ISG20: variants seen among roughly 807,000 people sequenced by gnomAD.
ISG20 encodes the protein interferon-stimulated gene 20 kDa protein.
A neutral mutation model predicts 11.1 loss-of-function variants in ISG20; 8 were observed. The ratio of observed to expected loss-of-function variants is 0.72; its 90% CI spans 0.42 to 1.30. ISG20 has a LOEUF of 1.30. Among genes scored for constraint, ISG20 ranks in the 50% most tolerant of loss-of-function variants. The pLI is 0.01. For missense variants in ISG20, 243 were observed against 250.2 expected, an observed-to-expected ratio of 0.97 and a Z score of 0.19; for synonymous variants, 110 against 101.7, an observed-to-expected ratio of 1.08 and a Z score of -0.49.
chr15:88,654,504 A>G (rs1379639452), intron 3 of ISG20, among the ~76,000 whole-genome samples: 3 of 152,184 alleles, frequency 2.0e-5, no homozygotes, highest in Non-Finnish European at 2.9e-5. Context: ...GAGGGACACC[A>G]AGAAAACGCA....
intron 2 of ISG20, among the ~76,000 whole-genome samples, chr15:88,640,110 C>G (rs1392386840): frequency 6.6e-6 from 1 of 152,198 alleles, no homozygotes; most frequent in Non-Finnish European, 1.5e-5. Context: ...ATTTCCTGCA[C>G]TCTTGCTCTT....
At chr15:88,641,063 G>A (rs2058073103) in intron 2 of ISG20, among the ~76,000 whole-genome samples, 1 of 151,898 alleles carries the variant, frequency 6.6e-6, no homozygotes, top group Non-Finnish European at 1.5e-5. Context: ...CATGATCTTG[G>A]CTCTCTGCAA....
upstream of ISG20, chr15:88,636,132 G>T (rs373832823): frequency 3.9e-4 from 59 of 152,404 alleles, no homozygotes; most frequent in African/African-American, 1.3e-3. Context: ...GAGGGCCACA[G>T]AGTGGCCGAC....
chr15:88,640,400 G>T (rs777010889), intron 2 of ISG20, among the ~76,000 whole-genome samples: 3 of 152,104 alleles, frequency 2.0e-5, no homozygotes, highest in Admixed American at 2.0e-4. Context: ...TGCACTGGCC[G>T]CTCCCCTAAG....
intron 3 of ISG20, among the ~76,000 whole-genome samples, chr15:88,653,384 G>A (rs2141407557): frequency 6.6e-6 from 1 of 152,288 alleles, no homozygotes; most frequent in East Asian, 1.9e-4. Flanking sequence ...GGGGCCAGGT[G>A]AGTCAAAGCC....
At chr15:88,654,360 A>T (rs1176919500) in intron 3 of ISG20, among the ~76,000 whole-genome samples, 1 of 152,206 alleles carries the variant, frequency 6.6e-6, no homozygotes, top group African/African-American at 2.4e-5. Flanking sequence ...ATTAAAAAAT[A>T]AAACAATACA....
intron 2 of ISG20, among the ~76,000 whole-genome samples, chr15:88,642,777 T>C (rs1408416846): frequency 1.3e-5 from 2 of 152,126 alleles, no homozygotes; most frequent in Non-Finnish European, 2.9e-5. Context: ...CCACCACGCC[T>C]GGCTAATTTT....
Position 88,639,416 on chromosome 15 carries a change from T to A in ISG20, c.50T>A (p.Leu17Gln), listed in dbSNP as rs1315042194. The A allele has an allele frequency of 6.2e-7, 1 of 1,602,578 alleles. No homozygotes were observed. Among genetic ancestry groups the A allele is most frequent in the Non-Finnish European group, 8.5e-7 (1 of 1,173,502 alleles). ...VVAMDCEMVG[L>Q]GPHRESGLAR... is the part of the protein sequence containing the mutation. ...GCCATGGACTGCGAGATGGTGGGGC[T>A]GGGGCCCCACCGGGAGAGTGGCCTG... is the stretch of plus-strand genomic sequence containing the variant. Residue 17 changes from leucine to glutamine, a missense_variant, in exon 2 of 4, where the codon CTG (leucine) becomes CAG (glutamine). By Grantham distance (113) the Leu-to-Gln change is moderately radical. Transcript: ENST00000306072. This position sits in a 1 kb window ranked among gnomAD's most constrained non-coding sequence, Gnocchi z 4.2.
intron 2 of ISG20, among the ~76,000 whole-genome samples, chr15:88,646,305 C>T (rs958745669): frequency 6.6e-6 from 1 of 152,230 alleles, no homozygotes; most frequent in African/African-American, 2.4e-5. Flanking sequence ...CTAGTACCAT[C>T]ACTCCCATTT....
At chr15:88,655,392 C>G (rs1178891172) in intron 3 of ISG20, 23 bp from the exon 4 acceptor site, 2 of 1,605,666 alleles carry the variant, frequency 1.2e-6, no homozygotes, top group South Asian at 2.2e-5. Context: ...TCCCAAGTCC[C>G]CACTCTATAC....
rs757116446 is a variant in ISG20 at position 88,650,731 on chromosome 15, G to C, written c.229-1379G>C. On this transcript the variant is annotated intron_variant, in intron 2 of 3. Coordinates refer to ENST00000306072, the MANE Select transcript of ISG20 (RefSeq NM_002201.6). The surrounding 1 kb of genome is among the most constrained non-coding windows in gnomAD (Gnocchi z 4.0). ...ATCACTATCTCGGTGGCTTTTCCCC[G>C]TGGTCTTTCCAGCATGGTGGCTTTG... is the stretch of plus-strand genomic sequence containing the variant. 3 of 175,074 alleles carry C rather than the reference G, an allele frequency of 1.7e-5. No homozygotes were observed. In the South Asian group the frequency reaches 3.6e-4, roughly 21 times the overall value. The allele number at this position is 175,074 out of a possible 1,614,324, so 10.8% of individuals were successfully genotyped here. A position where few individuals can be genotyped will look rare whatever the true frequency, so the allele number is the denominator to read the frequency against.
chr15:88,641,855 C>T (rs28836000), intron 2 of ISG20, among the ~76,000 whole-genome samples: 65,661 of 150,934 alleles, frequency 0.44, 14,646 homozygotes, highest in Non-Finnish European at 0.48. Flanking sequence ...TAGACTCAAG[C>T]GATCCGCCTG....
At position 88,655,693 on chromosome 15, in the gene ISG20, C is replaced by G. The variant is rs1207125840; in HGVS notation, c.*162C>G. 2 of 560,624 alleles carry G rather than the reference C, an allele frequency of 3.6e-6. No homozygotes were observed. The highest frequency in any genetic ancestry group is 6.3e-6 in the Non-Finnish European group (2 of 317,292). The allele number at this position is 560,624 out of a possible 1,614,324, so 34.7% of individuals were successfully genotyped here. A position where few individuals can be genotyped will look rare whatever the true frequency, so the allele number is the denominator to read the frequency against. On this transcript the variant is annotated 3_prime_UTR_variant, in exon 4 of 4. Coordinates refer to ENST00000306072, the MANE Select transcript of ISG20 (RefSeq NM_002201.6). ...TATTCTTCTCTCCAAGCTGGGTTAA[C>G]AGTAGACAGGACCCATTTCTGTGTG...
At chr15:88,641,094 G>A (rs35277189) in intron 2 of ISG20, among the ~76,000 whole-genome samples, 40,456 of 151,852 alleles carry the variant, frequency 0.27, 6,870 homozygotes, top group East Asian at 0.59. Flanking sequence ...CAGGATTCAA[G>A]TGGTTCTCTG....
rs995286811 is a variant in ISG20 at position 88,646,473 on chromosome 15, G to A, written c.229-5637G>A. On this transcript the variant is annotated intron_variant, in intron 2 of 3. Transcript: ENST00000306072. Reference sequence around the variant, plus strand: ...TATAAATGCTAAGTGTCCAATGTATGTAAGGGGCGAGGTCCTGCATAGCAC... The same window carrying A: ...TATAAATGCTAAGTGTCCAATGTATATAAGGGGCGAGGTCCTGCATAGCAC... 3.9e-5 allele frequency among the ~76,000 whole-genome samples: 6 copies of A among 152,322 alleles called. No homozygotes were observed. The South Asian group carries it at 1.2e-3, about 32-fold the overall frequency.
rs747827442 is a variant in ISG20 at position 88,639,520 on chromosome 15, T to C, written c.154T>C (p.Tyr52His). The change falls in exon 2 of 4, where the codon TAC becomes CAC. Residue 52 changes from tyrosine (Y) to histidine (H), a missense_variant. Coordinates refer to ENST00000306072, the MANE Select transcript of ISG20 (RefSeq NM_002201.6). The surrounding 1 kb of genome is among the most constrained non-coding windows in gnomAD (Gnocchi z 4.2). ...CCGGCCTGAGGGAGAGATCACCGAT[T>C]ACAGAACCCGGGTCAGCGGGGTCAC... ...FIRPEGEITDYRTRVSGVTPQ... is the reference protein window; with the variant it reads ...FIRPEGEITDHRTRVSGVTPQ... 5.6e-6 allele frequency: 9 copies of C among 1,614,130 alleles called. No homozygotes were observed. In the South Asian group the frequency reaches 9.9e-5, roughly 18 times the overall value.
chr15:88,654,363 A>G (rs1459131628), intron 3 of ISG20, among the ~76,000 whole-genome samples: 1 of 152,164 alleles, frequency 6.6e-6, no homozygotes, highest in African/African-American at 2.4e-5. Flanking sequence ...AAAAAATAAA[A>G]CAATACAGCG....
chr15:88,651,398 C>G (rs570958723), intron 2 of ISG20: 3 of 650,560 alleles, frequency 4.6e-6, no homozygotes, highest in South Asian at 1.4e-4. Flanking sequence ...GTGGGTCTCA[C>G]TGGTCTAAAA....
intron 2 of ISG20, among the ~76,000 whole-genome samples, chr15:88,646,216 T>G (rs1156897877): frequency 1.3e-5 from 2 of 152,192 alleles, no homozygotes; most frequent in Non-Finnish European, 2.9e-5. Flanking sequence ...CAGAGATGAT[T>G]AAATAGTACA....
Sources: allele counts gnomAD v4.1 joint callset (sites outside exome capture counted in the v4.1 genomes callset), GRCh38; gene constraint gnomAD v4.1.1; non-coding constraint Gnocchi (gnomAD v3.1); transcripts MANE v1.5; gene names NCBI Gene and HGNC (gene_info 2026-07-23, HGNC 2026-07-21).